The following RORA variants were observed in gnomAD, a reference collection of about 807,000 sequenced individuals.
RORA encodes nuclear receptor ROR-alpha.
In RORA, 7 loss-of-function variants were observed where a neutral mutation model predicts 69.5. The observed-to-expected ratio is 0.10, with a 90% CI of 0.06 to 0.19. The LOEUF (loss-of-function observed/expected upper bound fraction) is 0.19. Ranked by LOEUF, RORA falls within the 10% of genes least tolerant of loss-of-function variation. The pLI, the probability that RORA is intolerant of heterozygous loss-of-function variation, is 1.00. For missense variants in RORA, 457 were observed against 663.0 expected (o/e 0.69, Z 3.41); for synonymous variants, 261 against 240.8 (o/e 1.08, Z -0.78).
chr15:60,529,360 A>G (rs932095549), intron 3 of RORA: 9 of 149,226 alleles, frequency 6.0e-5, no homozygotes, highest in African/African-American at 1.0e-4. Flanking sequence ...AAGTCTTTTG[A>G]CTTCTATTTT....
At chr15:60,644,767 A>T (rs1031522215) in intron 2 of RORA, among the ~76,000 whole-genome samples, 21 of 152,146 alleles carry the variant, frequency 1.4e-4, no homozygotes, top group Non-Finnish European at 3.1e-4. Flanking sequence ...ACTTTTAGGA[A>T]GTCCTGACCA....
intron 1 of RORA, among the ~76,000 whole-genome samples, chr15:61,166,255 G>A (rs935473807): frequency 6.6e-6 from 1 of 152,102 alleles, no homozygotes; most frequent in Non-Finnish European, 1.5e-5. Context: ...CAGTATTCAC[G>A]ATCTATTAAA....
chr15:60,765,243 C>G (rs1451545657), intron 1 of RORA: 1 of 152,134 alleles, frequency 6.6e-6, no homozygotes. Flanking sequence ...CTGTTTACAT[C>G]TATGAGTCAA....
chr15:60,958,251 C>G lies in RORA; in HGVS notation c.166+270802G>C, dbSNP rs1321997648. Among the ~76,000 whole-genome samples the G allele has an allele frequency of 3.3e-5, 5 of 152,156 alleles. No homozygotes were observed. The East Asian group carries it at 9.6e-4, about 29-fold the overall frequency. ...TTCATATTGGATTAAACACCAGATT[C>G]AAATTACCTGAGCCTTTGCGTGCAT... On this transcript the variant is annotated intron_variant, in intron 1 of 10. Coordinates refer to ENST00000335670, the MANE Select transcript of RORA (RefSeq NM_134261.3).
intron 2 of RORA, among the ~76,000 whole-genome samples, chr15:60,606,874 A>T (rs1425723796): frequency 6.6e-6 from 1 of 152,230 alleles, no homozygotes; most frequent in Non-Finnish European, 1.5e-5. Flanking sequence ...GAAAAGAAAA[A>T]AGAAAAGAAA....
At chr15:60,986,946 T>A (rs995872381) in intron 1 of RORA, among the ~76,000 whole-genome samples, 1 of 152,120 alleles carries the variant, frequency 6.6e-6, no homozygotes, top group African/African-American at 2.4e-5. Flanking sequence ...GCACTTTGGT[T>A]TTTTCATATG....
rs146865480 is a variant in RORA, at chr15:61,074,167, T to G, written c.166+154886A>C. On this transcript the variant is annotated intron_variant, in intron 1 of 10. Coordinates refer to ENST00000335670, the MANE Select transcript of RORA (RefSeq NM_134261.3). ...CCACCATCATGCCAACACACTTTGA[T>G]CTCACTTCCCCTTGTGAACGCTTGA... Among the ~76,000 whole-genome samples, 398 of 152,316 alleles carry G rather than the reference T, an allele frequency of 2.6e-3. 1 individual carries two copies. The highest frequency in any genetic ancestry group is 4.8e-3 in the Non-Finnish European group (325 of 68,030).
At chr15:61,074,205 G>A (rs2140621640) in intron 1 of RORA, among the ~76,000 whole-genome samples, 1 of 152,340 alleles carries the variant, frequency 6.6e-6, no homozygotes, top group East Asian at 1.9e-4. Context: ...GGATAAGCCT[G>A]TCCCTGTATA....
At chr15:60,632,435 A>G (rs1342676225) in intron 2 of RORA, among the ~76,000 whole-genome samples, 1 of 152,186 alleles carries the variant, frequency 6.6e-6, no homozygotes, top group African/African-American at 2.4e-5. Flanking sequence ...CTAAAGGGTC[A>G]GATAGACTTA....
chr15:61,073,325 G>T (rs966375691), intron 1 of RORA, among the ~76,000 whole-genome samples: 2 of 152,120 alleles, frequency 1.3e-5, no homozygotes, highest in Non-Finnish European at 1.5e-5. Context: ...TTAAAACTCC[G>T]CTCCTGTTTT....
intron 1 of RORA, among the ~76,000 whole-genome samples, chr15:61,120,428 G>A (rs1046526152): frequency 1.2e-4 from 18 of 152,044 alleles, no homozygotes; most frequent in African/African-American, 3.1e-4. Context: ...GGCTGGGCAC[G>A]GTGGCTCACG....
chr15:60,538,757 T>C (rs1362014960), intron 2 of RORA, among the ~76,000 whole-genome samples: 2 of 152,150 alleles, frequency 1.3e-5, no homozygotes. Flanking sequence ...AATGGCACGA[T>C]TCCCACTTGT....
At chr15:60,854,353 T>C (rs1468287795) in intron 1 of RORA, among the ~76,000 whole-genome samples, 1 of 152,208 alleles carries the variant, frequency 6.6e-6, no homozygotes, top group Non-Finnish European at 1.5e-5. Flanking sequence ...TGAATCATTA[T>C]TATTATTAGC....
chr15:60,587,565 CAGTGA>C (rs1277695149), intron 2 of RORA, among the ~76,000 whole-genome samples: 1 of 152,172 alleles, frequency 6.6e-6, no homozygotes, highest in African/African-American at 2.4e-5. Flanking sequence ...ATGGGACTAT[CAGTGA>C]CTCTCTATGG....
At chr15:61,137,155 T>C (rs923646734) in intron 1 of RORA, among the ~76,000 whole-genome samples, 2 of 151,944 alleles carry the variant, frequency 1.3e-5, no homozygotes, top group Admixed American at 6.6e-5. Flanking sequence ...AAAATAAACA[T>C]GACCAACATG....
At position 60,534,424 on chromosome 15, in the gene RORA, G is replaced by A. The variant is rs1042716498; in HGVS notation, c.197-2573C>T. On this transcript the variant is annotated intron_variant, in intron 2 of 10. Coordinates refer to ENST00000335670, the MANE Select transcript of RORA (RefSeq NM_134261.3). The surrounding 1 kb of genome is among the most constrained non-coding windows in gnomAD (Gnocchi z 5.0). ...AGGATATTTGAGCGGAGACAGTCAC[G>A]AGATCTGTGGAGGCCAAGACGCTTA... is the stretch of plus-strand genomic sequence containing the variant. 6.6e-6 allele frequency among the ~76,000 whole-genome samples: 1 copy of A among 152,108 alleles called. No homozygotes were observed. Among genetic ancestry groups the A allele is most frequent in the Non-Finnish European group, 1.5e-5 (1 of 68,020 alleles).
intron 2 of RORA, chr15:60,614,843 G>T: frequency 6.9e-7 from 1 of 1,450,070 alleles, no homozygotes; most frequent in Non-Finnish European, 9.6e-7. Context: ...ACACTGACAT[G>T]CTTACATACA....
intron 1 of RORA, chr15:61,195,747 A>C (rs1361461021): frequency 4.6e-5 from 7 of 152,344 alleles, no homozygotes; most frequent in Middle Eastern, 6.8e-3. Context: ...ACTGAATTTT[A>C]GGTCTATACC....
At chr15:61,098,514 G>C (rs1450812186) in intron 1 of RORA, among the ~76,000 whole-genome samples, 1 of 151,954 alleles carries the variant, frequency 6.6e-6, no homozygotes, top group African/African-American at 2.4e-5. Context: ...CTAATATTTT[G>C]TATTTTTTGT....
Sources: allele counts gnomAD v4.1 joint callset (sites outside exome capture counted in the v4.1 genomes callset), GRCh38; gene constraint gnomAD v4.1.1; non-coding constraint Gnocchi (gnomAD v3.1); transcripts MANE v1.5; gene names NCBI Gene and HGNC (gene_info 2026-07-23, HGNC 2026-07-21).